The following SMNDC1 variants were observed in gnomAD, a reference collection of about 807,000 sequenced individuals.
SMNDC1 encodes the protein survival of motor neuron-related-splicing factor 30.
Under a neutral mutation model 29.2 loss-of-function variants are expected in SMNDC1, and 5 were observed. That is an observed-to-expected ratio of 0.17 (90% confidence interval 0.09 to 0.36). SMNDC1 has a LOEUF of 0.36. Ranked by LOEUF, SMNDC1 falls within the 10% of genes least tolerant of loss-of-function variation. SMNDC1 has a pLI of 1.00. For missense variants in SMNDC1, 142 were observed against 268.5 expected (o/e 0.53, Z 3.29); for synonymous variants, 80 against 89.9 (o/e 0.89, Z 0.62).
rs1295517411 is a variant in SMNDC1 at position 110,292,919 on chromosome 10, A to AT, written c.*1230dup. ...CTTCTAATGGAAGGAATACTTAAGCATTTACTGAAACCTCTCACACACTCA... is the reference window on the plus strand; with the variant it reads ...CTTCTAATGGAAGGAATACTTAAGCATTTTACTGAAACCTCTCACACACTCA... On this transcript the variant is annotated 3_prime_UTR_variant, in exon 6 of 6. Coordinates refer to ENST00000369603, the MANE Select transcript of SMNDC1 (RefSeq NM_005871.4). The AT allele has an allele frequency of 2.6e-5, 4 of 151,888 alleles. No individual in the cohort carries two copies. The highest frequency in any genetic ancestry group is 5.9e-5 in the Non-Finnish European group (4 of 68,030). 9.4% of individuals were successfully genotyped at this position (151,888 alleles called of 1,614,324 possible).
intron 5 of SMNDC1, among the ~76,000 whole-genome samples, chr10:110,294,959 C>T (rs559536741): frequency 5.3e-5 from 8 of 152,160 alleles, no homozygotes; most frequent in African/African-American, 1.9e-4. Context: ...CTCTAAGTAG[C>T]AACTATTTTT....
chr10:110,297,696 T>G lies in SMNDC1; in HGVS notation c.296A>C (p.Glu99Ala), dbSNP rs368037587. ...GGTGATTGCAGCGGTGCCATTTTCT[T>G]CATCTATCTCCTCAATCTCCGCTTC... is the stretch of plus-strand genomic sequence containing the variant. ...CYEAEIEEID[E>A]ENGTAAITFA... Residue 99 changes from glutamate to alanine, a missense_variant, in exon 4 of 6, where the codon GAA becomes GCA. By Grantham distance (107) the Glu-to-Ala change is moderately radical. This residue lies in a region of SMNDC1 where 65 missense variants were observed against 75.9 expected (regional missense o/e 0.86). Transcript: ENST00000369603. The G allele has an allele frequency of 1.3e-5, 21 of 1,614,018 alleles. No homozygotes were observed. Among genetic ancestry groups the G allele is most frequent in the Non-Finnish European group, 1.4e-5 (17 of 1,179,934 alleles).
chr10:110,301,327 A>G (rs4918491), intron 2 of SMNDC1, among the ~76,000 whole-genome samples: 110,556 of 152,154 alleles, frequency 0.73, 40,476 homozygotes, highest in East Asian at 1. Context: ...ACAATTACTG[A>G]GTGGAAGCTT....
chr10:110,301,581 A>C (rs1343585687), intron 2 of SMNDC1, among the ~76,000 whole-genome samples: 1 of 152,234 alleles, frequency 6.6e-6, no homozygotes, highest in Non-Finnish European at 1.5e-5. Flanking sequence ...TGGCTAATTA[A>C]GTTATACTAA....
At chr10:110,298,605 T>C in intron 3 of SMNDC1, 43 bp downstream of exon 3, 1 of 1,523,782 alleles carries the variant, frequency 6.6e-7, no homozygotes, top group Non-Finnish European at 8.9e-7. Context: ...CATTGTATTT[T>C]ATTATTTCAT....
Position 110,294,281 on chromosome 10 carries a change from T to C in SMNDC1, c.586A>G (p.Arg196Gly). The part of the protein sequence containing the change: ...YSKNKKGQVK[R>G]SIFASPESVT... ...CTCTCAGGTGAAGCAAAAATACTCC[T>C]CTTTACCTAAGGGAAAGAAAACAGA... The change falls in exon 6 of 6, where the codon AGG becomes GGG. Residue 196 changes from arginine to glycine, a missense_variant. This residue lies in a region of SMNDC1 where 54 missense variants were observed against 152.1 expected (regional missense o/e 0.36). Transcript: ENST00000369603. 1 of 1,578,868 alleles carries C rather than the reference T, an allele frequency of 6.3e-7. No homozygotes were observed. The highest frequency in any genetic ancestry group is 8.6e-7 in the Non-Finnish European group (1 of 1,168,468).
At chr10:110,301,633 C>T (rs919830659) in intron 2 of SMNDC1, among the ~76,000 whole-genome samples, 4 of 152,160 alleles carry the variant, frequency 2.6e-5, no homozygotes, top group African/African-American at 9.7e-5. Flanking sequence ...TTCAAATATC[C>T]AACCAAATGT....
In SMNDC1 at chr10:110,293,149, A is replaced by G. The variant is rs1202481183; in HGVS notation, c.*1001T>C. On this transcript the variant is annotated 3_prime_UTR_variant, in exon 6 of 6. Coordinates refer to ENST00000369603, the MANE Select transcript of SMNDC1 (RefSeq NM_005871.4). ...TTAATAGGAAGACCCTTTTCTATGC[A>G]TGTATTTGGCTTAAACTCAACTCAG... is the stretch of plus-strand genomic sequence containing the variant. 1 of 152,764 alleles carries G rather than the reference A, an allele frequency of 6.5e-6. No homozygotes were observed. The highest frequency in any genetic ancestry group is 1.9e-4 in the East Asian group (1 of 5,194). The allele number at this position is 152,764 out of a possible 1,614,324, so 9.5% of individuals were successfully genotyped here. A position where few individuals can be genotyped will look rare whatever the true frequency, so the allele number is the denominator to read the frequency against.
At chr10:110,294,762 G>A (rs1056560621) in intron 5 of SMNDC1, among the ~76,000 whole-genome samples, 5 of 152,340 alleles carry the variant, frequency 3.3e-5, no homozygotes, top group Non-Finnish European at 5.9e-5. Flanking sequence ...GCAGTGAAGA[G>A]TAACACATGG....
chr10:110,295,082 A>T, intron 5 of SMNDC1, 146 bp downstream of exon 5: 1 of 648,332 alleles, frequency 1.5e-6, no homozygotes, highest in Non-Finnish European at 2.5e-6. Flanking sequence ...TTTTTCAATA[A>T]GTTAAATTGA....
chr10:110,294,136 AAC>A lies in SMNDC1; in HGVS notation c.*12_*13del. The A allele has an allele frequency of 6.4e-7, 1 of 1,562,178 alleles. No homozygotes were observed. Among genetic ancestry groups the A allele is most frequent in the South Asian group, 1.2e-5 (1 of 83,652 alleles). ...GTAAAGCCCTGCAGAGATGAAATCCAACAGTTTTTCTGATTATTGAGGCATCA... is the reference window on the plus strand; with the variant it reads ...GTAAAGCCCTGCAGAGATGAAATCCAAGTTTTTCTGATTATTGAGGCATCA... On this transcript the variant is annotated 3_prime_UTR_variant, in exon 6 of 6. Transcript: ENST00000369603.
At chr10:110,303,864 A>G (rs1248401697) in intron 1 of SMNDC1, 1 of 346,084 alleles carries the variant, frequency 2.9e-6, no homozygotes, top group Non-Finnish European at 5.2e-6. Flanking sequence ...TTTAACTCCT[A>G]TCCACAGGGT....
chr10:110,294,914 C>T (rs1158110892), intron 5 of SMNDC1, among the ~76,000 whole-genome samples: 7 of 152,184 alleles, frequency 4.6e-5, no homozygotes, highest in Non-Finnish European at 4.4e-5. Flanking sequence ...AGCATGAAGG[C>T]ATGTTAACAA....
At chr10:110,303,373 G>A (rs547739540) in intron 2 of SMNDC1, 95 bp downstream of exon 2, 84 of 1,043,190 alleles carry the variant, frequency 8.1e-5, no homozygotes, top group Non-Finnish European at 9.8e-5. Context: ...TACATAGGGT[G>A]GGGTGTAACC....
intron 3 of SMNDC1, 82 bp downstream of exon 3, chr10:110,298,566 G>C: frequency 1.8e-6 from 2 of 1,125,812 alleles, no homozygotes; most frequent in South Asian, 3.1e-5. Flanking sequence ...TTAAAATAGG[G>C]TAGTTAAAAC....
rs1311557743 is a variant in SMNDC1, at chr10:110,293,471, CAA to C, written c.*677_*678del. 4 of 152,126 alleles carry C rather than the reference CAA, an allele frequency of 2.6e-5. No homozygotes were observed. Among genetic ancestry groups the C allele is most frequent in the Non-Finnish European group, 5.9e-5 (4 of 67,890 alleles). 9.4% of individuals were successfully genotyped at this position (152,126 alleles called of 1,614,324 possible). ...GTACCACTGCCGTAAATGGAAAAAA[CAA>C]AAAACAGGAAAAAAGCAAACATACA... is the stretch of plus-strand genomic sequence containing the variant. On this transcript the variant is annotated 3_prime_UTR_variant, in exon 6 of 6. Coordinates refer to ENST00000369603, the MANE Select transcript of SMNDC1 (RefSeq NM_005871.4).
intron 4 of SMNDC1, among the ~76,000 whole-genome samples, 193 bp from the exon 5 acceptor site, chr10:110,295,574 C>T (rs1341969049): frequency 6.6e-6 from 1 of 151,662 alleles, no homozygotes; most frequent in South Asian, 2.1e-4. Flanking sequence ...AAATGGCATC[C>T]TTGGAAGCTT....
Position 110,292,313 on chromosome 10 carries a change from T to C in SMNDC1, c.*1837A>G, listed in dbSNP as rs1353022881. The C allele has an allele frequency of 6.6e-6, 1 of 152,162 alleles. No individual in the cohort carries two copies. The highest frequency in any genetic ancestry group is 2.4e-5 in the African/African-American group (1 of 41,440). 9.4% of individuals were successfully genotyped at this position (152,162 alleles called of 1,614,324 possible). A position where few individuals can be genotyped will look rare whatever the true frequency, so the allele number is the denominator to read the frequency against. On this transcript the variant is annotated 3_prime_UTR_variant, in exon 6 of 6. Transcript: ENST00000369603. The stretch of plus-strand genomic sequence containing the variant: ...TTTTTTAAGGTCACTTTTATTCTTT[T>C]TCTCTCTCCTACTGCAAAGTCCTCT...
At chr10:110,294,423 A>T (rs914837081) in intron 5 of SMNDC1, 136 bp from the exon 6 acceptor site, 1 of 699,740 alleles carries the variant, frequency 1.4e-6, no homozygotes, top group African/African-American at 1.9e-5. Context: ...GTTTAGTGTT[A>T]AAAAATGGGT....
Sources: allele counts gnomAD v4.1 joint callset (sites outside exome capture counted in the v4.1 genomes callset), GRCh38; gene constraint gnomAD v4.1.1; regional missense constraint gnomAD v4.1.1; transcripts MANE v1.5; gene names NCBI Gene and HGNC (gene_info 2026-07-23, HGNC 2026-07-21).